Variants in CLINT1 observed in about 807,000 individuals in gnomAD.
The protein encoded by CLINT1 is clathrin interacting protein localized in the trans-Golgi region.
A neutral mutation model predicts 70.4 loss-of-function variants in CLINT1; 15 were observed. That is an observed-to-expected ratio of 0.21 (90% CI 0.14 to 0.33). The LOEUF (loss-of-function observed/expected upper bound fraction) is 0.33. Among genes scored for constraint, CLINT1 ranks in the 10% least tolerant of loss-of-function variants. The pLI, the probability that CLINT1 is intolerant of heterozygous loss-of-function variation, is 1.00. For missense variants in CLINT1, 615 were observed against 778.1 expected, an observed-to-expected ratio of 0.79 and a Z score of 2.49; for synonymous variants, 227 against 254.7, an observed-to-expected ratio of 0.89 and a Z score of 1.04.
intron 3 of CLINT1, among the ~76,000 whole-genome samples, chr5:157,815,315 A>C (rs1391559905): frequency 1.3e-5 from 2 of 151,916 alleles, no homozygotes; most frequent in Admixed American, 6.6e-5. Flanking sequence ...AACAAACAAC[A>C]ACCAACCCCC....
At chr5:157,849,532 A>G (rs1002574763) in intron 1 of CLINT1, among the ~76,000 whole-genome samples, 6 of 152,354 alleles carry the variant, frequency 3.9e-5, no homozygotes, top group African/African-American at 1.2e-4. Flanking sequence ...CTAAACCTGT[A>G]ATATCTCTGA....
chr5:157,858,446 C>A (rs867068885), intron 1 of CLINT1, among the ~76,000 whole-genome samples: 1 of 152,260 alleles, frequency 6.6e-6, no homozygotes, highest in South Asian at 2.1e-4. Flanking sequence ...TAAGAGGAGG[C>A]AAGGAAGATA....
chr5:157,838,026 A>G (rs1187003), intron 1 of CLINT1, among the ~76,000 whole-genome samples: 12,234 of 152,064 alleles, frequency 0.08, 572 homozygotes, highest in East Asian at 0.18. Context: ...AAAATTACGT[A>G]ATTTTTCAGC....
chr5:157,831,558 C>T (rs1259426255), intron 1 of CLINT1, among the ~76,000 whole-genome samples: 1 of 152,168 alleles, frequency 6.6e-6, no homozygotes, highest in Non-Finnish European at 1.5e-5. Flanking sequence ...ATCTCTCACT[C>T]TCACACCAGC....
intron 1 of CLINT1, among the ~76,000 whole-genome samples, chr5:157,833,645 C>G (rs757905661): frequency 1.3e-5 from 2 of 152,120 alleles, no homozygotes; most frequent in Non-Finnish European, 2.9e-5. Flanking sequence ...AGAATTACAA[C>G]TAAAACCAGT....
At chr5:157,830,216 G>A (rs973123842) in intron 1 of CLINT1, among the ~76,000 whole-genome samples, 1 of 152,144 alleles carries the variant, frequency 6.6e-6, no homozygotes, top group African/African-American at 2.4e-5. Context: ...CCAAAGTGCT[G>A]GGATTACAGG....
chr5:157,812,436 T>C (rs543192627), intron 5 of CLINT1, among the ~76,000 whole-genome samples: 3 of 152,170 alleles, frequency 2.0e-5, no homozygotes, highest in Non-Finnish European at 4.4e-5. Flanking sequence ...CTATGCCCTA[T>C]TTTAGAGAAA....
intron 10 of CLINT1, chr5:157,789,731 T>C (rs972226526): frequency 3.2e-6 from 2 of 627,624 alleles, no homozygotes; most frequent in Admixed American, 2.9e-5. Context: ...GAGGTTCCTC[T>C]GAAGTCCCAA....
intron 11 of CLINT1, among the ~76,000 whole-genome samples, chr5:157,788,968 G>GAAAAAAAAAAA (rs58634730): frequency 1.7e-4 from 16 of 95,578 alleles, no homozygotes; most frequent in East Asian, 5.6e-4. Flanking sequence ...CTCCATCTCA[G>GAAAAAAAAAAA]AAAAAAAAAA....
rs1761747316 is a variant in CLINT1 at position 157,787,066 on chromosome 5, T to G, written c.*580A>C. 1.3e-5 allele frequency: 2 copies of G among 153,174 alleles called. No individual in the cohort carries two copies. Among genetic ancestry groups the G allele is most frequent in the African/African-American group, 4.8e-5 (2 of 41,438 alleles). The allele number at this position is 153,174 out of a possible 1,614,324, so 9.5% of individuals were successfully genotyped here. On this transcript the variant is annotated 3_prime_UTR_variant, in exon 12 of 12. Transcript: ENST00000411809. ...AATTTGGATAGTATAATAGCAGTGT[T>G]GCTGGAACATTAGCAAAAGTATATA...
At chr5:157,847,705 C>CG (rs1193187944) in intron 1 of CLINT1, among the ~76,000 whole-genome samples, 1 of 152,092 alleles carries the variant, frequency 6.6e-6, no homozygotes, top group Admixed American at 6.5e-5. Context: ...GCTGTAATCT[C>CG]ATGATAAAGC....
intron 6 of CLINT1, among the ~76,000 whole-genome samples, chr5:157,808,193 G>A (rs1240918592): frequency 6.6e-6 from 1 of 151,796 alleles, no homozygotes; most frequent in Non-Finnish European, 1.5e-5. Flanking sequence ...GTTTTGGCTT[G>A]GTTTGGAAAA....
At chr5:157,821,651 G>T (rs372121650) in intron 1 of CLINT1, among the ~76,000 whole-genome samples, 1 of 152,158 alleles carries the variant, frequency 6.6e-6, no homozygotes, top group Admixed American at 6.5e-5. Context: ...TGAGTGACTT[G>T]AAGAGTAGGT....
chr5:157,796,407 A>G (rs1308212977), intron 8 of CLINT1, among the ~76,000 whole-genome samples: 1 of 152,246 alleles, frequency 6.6e-6, no homozygotes, highest in Non-Finnish European at 1.5e-5. Flanking sequence ...AAACAGACCA[A>G]TATCTGAAAC....
chr5:157,803,781 T>C (rs1397215179), intron 7 of CLINT1, 62 bp from the exon 8 acceptor site: 2 of 1,209,056 alleles, frequency 1.7e-6, no homozygotes, highest in Admixed American at 2.4e-5. Context: ...ATCAGCTCTA[T>C]CCATCTCTAA....
rs1329313345 is a variant in CLINT1 at position 157,787,621 on chromosome 5, T to C, written c.*25A>G. The C allele has an allele frequency of 1.3e-6, 2 of 1,598,388 alleles. No homozygotes were observed. Among genetic ancestry groups the C allele is most frequent in the African/African-American group, 1.3e-5 (1 of 74,624 alleles). On this transcript the variant is annotated 3_prime_UTR_variant, in exon 12 of 12. Transcript: ENST00000411809. ...TATCTGCACAGCTAAAAATTCTTCATTCAATCTGCTTCTTTTACAATCTCT... is the reference window on the plus strand; with the variant it reads ...TATCTGCACAGCTAAAAATTCTTCACTCAATCTGCTTCTTTTACAATCTCT...
chr5:157,815,532 T>A (rs1417798171), intron 3 of CLINT1, among the ~76,000 whole-genome samples: 1 of 152,132 alleles, frequency 6.6e-6, no homozygotes, highest in African/African-American at 2.4e-5. Flanking sequence ...GAAAATCTAG[T>A]TAGGCGGAAA....
chr5:157,788,910 T>A (rs1761810464), intron 11 of CLINT1, among the ~76,000 whole-genome samples: 1 of 140,840 alleles, frequency 7.1e-6, no homozygotes, highest in African/African-American at 2.7e-5. Context: ...GAGGCTGCAG[T>A]GAGCTGAGAT....
At chr5:157,844,929 C>G (rs1238882138) in intron 1 of CLINT1, among the ~76,000 whole-genome samples, 1 of 152,208 alleles carries the variant, frequency 6.6e-6, no homozygotes, top group Non-Finnish European at 1.5e-5. Context: ...TTGCTTCCCT[C>G]TCATTAAGGG....
Sources: allele counts gnomAD v4.1 joint callset (sites outside exome capture counted in the v4.1 genomes callset), GRCh38; gene constraint gnomAD v4.1.1; transcripts MANE v1.5; gene names NCBI Gene and HGNC (gene_info 2026-07-23, HGNC 2026-07-21).